SYT1: variants seen among roughly 807,000 people sequenced by gnomAD.
SYT1 encodes the protein synaptotagmin 1, also known as synaptotagmin-1.
Under a neutral mutation model 44.8 loss-of-function variants are expected in SYT1, and 8 were observed. That is an observed-to-expected ratio of 0.18 (90% CI 0.10 to 0.32). The LOEUF is 0.32. Ranked by LOEUF, SYT1 falls within the 10% of genes least tolerant of loss-of-function variation. SYT1 has a pLI of 1.00. For missense variants in SYT1, 286 were observed against 509.3 expected, an observed-to-expected ratio of 0.56 and a Z score of 4.22; for synonymous variants, 154 against 188.8, an observed-to-expected ratio of 0.82 and a Z score of 1.51.
chr12:78,923,042 C>T (rs1347600639), intron 1 of SYT1, among the ~76,000 whole-genome samples: 2 of 152,002 alleles, frequency 1.3e-5, no homozygotes, highest in East Asian at 3.9e-4. Context: ...TTCTTGCACA[C>T]GATTGTGGTT....
intron 9 of SYT1, among the ~76,000 whole-genome samples, chr12:79,418,858 G>A (rs11114111): frequency 0.19 from 28,719 of 152,044 alleles, 3,181 homozygotes; most frequent in East Asian, 0.29. Context: ...CTGTATGCAC[G>A]TTAGAATCAC....
intron 3 of SYT1, among the ~76,000 whole-genome samples, chr12:79,148,055 C>A (rs1179966813): frequency 6.6e-6 from 1 of 151,994 alleles, no homozygotes; most frequent in Non-Finnish European, 1.5e-5. Flanking sequence ...CAAATAAAAT[C>A]TCACGCATCA....
At chr12:79,439,618 A>G (rs1201529037) in intron 9 of SYT1, among the ~76,000 whole-genome samples, 1 of 152,218 alleles carries the variant, frequency 6.6e-6, no homozygotes, top group Admixed American at 6.5e-5. Flanking sequence ...AACCATAGTA[A>G]TAATTAACAA....
intron 3 of SYT1, among the ~76,000 whole-genome samples, chr12:79,169,038 G>C (rs954387963): frequency 2.0e-5 from 3 of 152,030 alleles, no homozygotes; most frequent in African/African-American, 7.2e-5. Flanking sequence ...CAACAATGTA[G>C]ATAGTTTTAA....
chr12:78,962,298 C>T (rs1439987090), intron 1 of SYT1, among the ~76,000 whole-genome samples: 1 of 148,768 alleles, frequency 6.7e-6, no homozygotes, highest in Non-Finnish European at 1.5e-5. Context: ...TTGACCACTG[C>T]TTGGTACGCA....
intron 3 of SYT1, among the ~76,000 whole-genome samples, chr12:79,192,116 C>T (rs900466466): frequency 6.6e-6 from 1 of 151,922 alleles, no homozygotes; most frequent in Admixed American, 6.6e-5. Context: ...TGAAGACAAG[C>T]GTGCAAGTAA....
intron 2 of SYT1, among the ~76,000 whole-genome samples, chr12:79,039,547 A>T (rs1029300960): frequency 2.1e-4 from 31 of 149,788 alleles, no homozygotes; most frequent in Admixed American, 4.0e-4. Context: ...TTCAGAGCAT[A>T]GATTAAGAAT....
rs539949190 is a variant in SYT1 at position 79,169,577 on chromosome 12, C to T, written c.-17-47926C>T. 1.1e-4 allele frequency among the ~76,000 whole-genome samples: 17 copies of T among 152,036 alleles called. No homozygotes were observed. The South Asian group carries it at 3.5e-3, about 32-fold the overall frequency. ...TGGAATCAATGAAGTTTCAAATTCA[C>T]CTGCAAAAGTTACAAGCAGATTTGA... is the stretch of plus-strand genomic sequence containing the variant. On this transcript the variant is annotated intron_variant, in intron 3 of 10. Coordinates refer to ENST00000261205, the MANE Select transcript of SYT1 (RefSeq NM_005639.3).
At chr12:79,247,343 A>G (rs1254874243) in intron 4 of SYT1, among the ~76,000 whole-genome samples, 1 of 152,208 alleles carries the variant, frequency 6.6e-6, no homozygotes, top group Non-Finnish European at 1.5e-5. Context: ...TCTAATATGT[A>G]TAACTCATGA....
intron 9 of SYT1, among the ~76,000 whole-genome samples, chr12:79,422,430 T>A (rs552351921): frequency 6.6e-6 from 1 of 151,866 alleles, no homozygotes; most frequent in South Asian, 2.1e-4. Flanking sequence ...CCCATCTTAC[T>A]CATACCTGAA....
At chr12:79,333,493 T>C (rs1469084374) in intron 8 of SYT1, among the ~76,000 whole-genome samples, 1 of 152,160 alleles carries the variant, frequency 6.6e-6, no homozygotes, top group Non-Finnish European at 1.5e-5. Context: ...GAAATTCAGA[T>C]ATTCCACCTC....
chr12:79,226,250 G>T (rs1389831871), intron 4 of SYT1, among the ~76,000 whole-genome samples: 2 of 152,092 alleles, frequency 1.3e-5, no homozygotes, highest in African/African-American at 4.8e-5. Context: ...AAATGTAATT[G>T]TTTCTTTGGT....
rs1445723421 is a variant in SYT1, at chr12:79,179,114, A to G, written c.-17-38389A>G. On this transcript the variant is annotated intron_variant, in intron 3 of 10. Coordinates refer to ENST00000261205, the MANE Select transcript of SYT1 (RefSeq NM_005639.3). ...TATATAGATATAGATATATAGATAT[A>G]GATATAGATATAGATATATAGATAT... Among the ~76,000 whole-genome samples the G allele has an allele frequency of 3.1e-5, 4 of 129,480 alleles. 1 individual carries two copies. The highest frequency in any genetic ancestry group is 6.3e-5 in the Non-Finnish European group (4 of 63,362). 84.9% of individuals were successfully genotyped at this position (129,480 alleles called of 152,430 possible).
chr12:78,920,945 T>G (rs1551846), intron 1 of SYT1, among the ~76,000 whole-genome samples: 140,550 of 151,820 alleles, frequency 0.93, 65,180 homozygotes, highest in East Asian at 1. Flanking sequence ...CAGACTTGAG[T>G]CCATAGTTTT....
chr12:79,006,452 T>TG (rs1871089443), intron 2 of SYT1, among the ~76,000 whole-genome samples: 1 of 151,974 alleles, frequency 6.6e-6, no homozygotes, highest in African/African-American at 2.4e-5. Context: ...GTAAATGAGG[T>TG]CTAGACAACA....
intron 3 of SYT1, among the ~76,000 whole-genome samples, chr12:79,181,173 A>T (rs1412813340): frequency 1.3e-5 from 2 of 152,094 alleles, no homozygotes; most frequent in African/African-American, 4.8e-5. Context: ...GTGAGAATGG[A>T]CTAATCCATC....
At position 79,179,007 on chromosome 12, in the gene SYT1, GAT is replaced by G. The variant is rs1491563800; in HGVS notation, c.-17-38490_-17-38489del. Among the ~76,000 whole-genome samples the G allele has an allele frequency of 2.7e-3, 40 of 14,856 alleles. 10 individuals carry two copies. The highest frequency in any genetic ancestry group is 0.015 in the South Asian group (10 of 678). 9.7% of individuals were successfully genotyped at this position (14,856 alleles called of 152,430 possible). On this transcript the variant is annotated intron_variant, in intron 3 of 10. Transcript: ENST00000261205. The stretch of plus-strand genomic sequence containing the variant: ...ATATATCTATATAGATATAGATATA[GAT>G]ATATAGATATAGATATAGATATATA...
chr12:79,270,280 G>A (rs1878351598), intron 4 of SYT1, among the ~76,000 whole-genome samples: 1 of 152,114 alleles, frequency 6.6e-6, no homozygotes, highest in South Asian at 2.1e-4. Context: ...TTGGCAAAAA[G>A]CATCAGTAAA....
intron 1 of SYT1, among the ~76,000 whole-genome samples, chr12:78,913,370 T>C (rs544817455): frequency 1.3e-5 from 2 of 151,350 alleles, no homozygotes; most frequent in South Asian, 4.2e-4. Context: ...TTTGAAAAAA[T>C]TCTATTTCTT....
Sources: allele counts gnomAD v4.1 joint callset (sites outside exome capture counted in the v4.1 genomes callset), GRCh38; gene constraint gnomAD v4.1.1; transcripts MANE v1.5; gene names NCBI Gene and HGNC (gene_info 2026-07-23, HGNC 2026-07-21).